UPRT: variants seen among roughly 807,000 people sequenced by gnomAD.
UPRT encodes the protein RP11-311P8.3.
UPRT carries 5 observed loss-of-function variants against 22.6 expected under a neutral mutation model. The ratio of observed to expected loss-of-function variants is 0.22; its 90% CI spans 0.12 to 0.47. The LOEUF (loss-of-function observed/expected upper bound fraction) is 0.47. Ranked by LOEUF, UPRT falls within the 20% of genes least tolerant of loss-of-function variation. UPRT has a pLI of 0.99. For synonymous variants in UPRT, 77 were observed against 87.7 expected (o/e 0.88, Z 0.68); for missense variants, 181 against 239.9 (o/e 0.75, Z 1.62).
chrX:75,236,122 A>G (rs1190327594), intron 4 of UPRT, among the ~76,000 whole-genome samples: 1 of 111,664 alleles, frequency 9.0e-6, no homozygotes, highest in African/African-American at 3.3e-5. Flanking sequence ...AAATCAATGT[A>G]CAAAAATCAC....
chrX:75,284,509 C>T (rs960547341), intron 1 of UPRT, among the ~76,000 whole-genome samples: 7 of 111,742 alleles, frequency 6.3e-5, no homozygotes, highest in African/African-American at 9.8e-5. Context: ...TAGTACTCTC[C>T]TCCGTTTCCT....
At chrX:75,247,893 G>C (rs1197483746) in intron 4 of UPRT, among the ~76,000 whole-genome samples, 1 of 111,757 alleles carries the variant, frequency 8.9e-6, no homozygotes, top group African/African-American at 3.3e-5. Flanking sequence ...GGAACGATCA[G>C]GCAGCAGCAT....
At chrX:75,160,362 T>A (rs901678713) in intron 1 of UPRT, among the ~76,000 whole-genome samples, 3 of 111,527 alleles carry the variant, frequency 2.7e-5, no homozygotes, top group African/African-American at 9.8e-5. Flanking sequence ...TAGTGTCTCT[T>A]ACATGTTGTC....
At chrX:75,297,874 G>A (rs1485934989) in intron 4 of UPRT, 1 of 219,771 alleles carries the variant, frequency 4.6e-6, no homozygotes, top group Non-Finnish European at 8.2e-6. Context: ...AAGACTGAGG[G>A]AATATGGTAT....
At chrX:75,157,438 T>C (rs1331294056) in intron 1 of UPRT, among the ~76,000 whole-genome samples, 4 of 112,072 alleles carry the variant, frequency 3.6e-5, no homozygotes, top group Non-Finnish European at 5.6e-5. Flanking sequence ...GTAAAGAAGA[T>C]GACATGTTAA....
intron 4 of UPRT, among the ~76,000 whole-genome samples, chrX:75,192,908 T>C (rs1172530297): frequency 8.9e-6 from 1 of 112,090 alleles, no homozygotes; most frequent in Admixed American, 9.5e-5. Flanking sequence ...TTTGCTTCAT[T>C]ATCCAACTTG....
At chrX:75,241,859 G>C (rs978181418) in intron 4 of UPRT, among the ~76,000 whole-genome samples, 1 of 109,433 alleles carries the variant, frequency 9.1e-6, no homozygotes, top group African/African-American at 3.3e-5. Context: ...TTATAATTGG[G>C]AACTACACTA....
intron 4 of UPRT, among the ~76,000 whole-genome samples, chrX:75,193,463 A>G (rs775001503): frequency 2.4e-4 from 27 of 111,354 alleles, no homozygotes; most frequent in Admixed American, 1.1e-3. Flanking sequence ...CTTCTTGTGT[A>G]GTATTTTGCA....
At chrX:75,210,410 A>G (rs1208809857) in intron 4 of UPRT, among the ~76,000 whole-genome samples, 1 of 111,095 alleles carries the variant, frequency 9.0e-6, no homozygotes, top group Non-Finnish European at 1.9e-5. Flanking sequence ...AGATCCTTGG[A>G]AAAGGAGCCA....
chrX:75,187,008 T>C (rs1432298955), intron 4 of UPRT, among the ~76,000 whole-genome samples: 3 of 111,692 alleles, frequency 2.7e-5, no homozygotes, highest in African/African-American at 9.8e-5. Context: ...AATTGGAGCA[T>C]TTAGTCCATT....
At chrX:75,299,521 C>T (rs2082737121) in intron 4 of UPRT, among the ~76,000 whole-genome samples, 1 of 111,852 alleles carries the variant, frequency 8.9e-6, no homozygotes, top group African/African-American at 3.2e-5. Context: ...CTAGCTTATT[C>T]TAGTTTCATT....
At chrX:75,283,750 A>G (rs1369079272) in intron 1 of UPRT, among the ~76,000 whole-genome samples, 1 of 111,154 alleles carries the variant, frequency 9.0e-6, no homozygotes, top group Admixed American at 9.6e-5. Flanking sequence ...TTAACTTTGG[A>G]TAGCCCGACG....
chrX:75,195,337 G>GCC (rs1316381632), intron 4 of UPRT, among the ~76,000 whole-genome samples: 3 of 112,605 alleles, frequency 2.7e-5, no homozygotes, highest in African/African-American at 9.7e-5. Flanking sequence ...GAGGCCAGCA[G>GCC]AGCAAGGGGT....
At chrX:75,237,951 T>C (rs184703807) in intron 4 of UPRT, among the ~76,000 whole-genome samples, 252 of 110,573 alleles carry the variant, frequency 2.3e-3, no homozygotes, top group African/African-American at 7.8e-3. Context: ...AGTATAACAA[T>C]AATAAAAAAA....
At chrX:75,239,074 A>C (rs1227568986) in intron 4 of UPRT, among the ~76,000 whole-genome samples, 9 of 111,250 alleles carry the variant, frequency 8.1e-5, no homozygotes, top group Non-Finnish European at 1.3e-4. Flanking sequence ...AGAACAAATC[A>C]AACCCAAACC....
chrX:75,176,783 A>G (rs1333733768), intron 4 of UPRT, among the ~76,000 whole-genome samples: 1 of 111,171 alleles, frequency 9.0e-6, no homozygotes, highest in African/African-American at 3.3e-5. Context: ...ATTCTCCCTC[A>G]GTGAAAAGAA....
At chrX:75,199,741 A>C (rs1223872229) in intron 4 of UPRT, among the ~76,000 whole-genome samples, 1 of 111,787 alleles carries the variant, frequency 8.9e-6, no homozygotes, top group Non-Finnish European at 1.9e-5. Flanking sequence ...TTCTTTAAAA[A>C]AAATTTTTTT....
chrX:75,185,537 A>G (rs2082286969), intron 4 of UPRT, among the ~76,000 whole-genome samples: 1 of 112,163 alleles, frequency 8.9e-6, no homozygotes, highest in Non-Finnish European at 1.9e-5. Context: ...TGGCCTCATA[A>G]AATGAGTTAG....
chrX:75,264,573 T>C (rs1325583534), intron 4 of UPRT, among the ~76,000 whole-genome samples: 2 of 111,903 alleles, frequency 1.8e-5, no homozygotes, highest in Non-Finnish European at 3.8e-5. Flanking sequence ...TTCCATTTGC[T>C]TGGTAGAACT....
Sources: allele counts gnomAD v4.1 joint callset (sites outside exome capture counted in the v4.1 genomes callset), GRCh38; gene constraint gnomAD v4.1.1; transcripts MANE v1.5; gene names NCBI Gene and HGNC (gene_info 2026-07-23, HGNC 2026-07-21).